The following CELF4 variants were observed in gnomAD, a reference collection of about 807,000 sequenced individuals.
The protein encoded by CELF4 is CUG-BP- and ETR-3-like factor 4.
In CELF4, 18 loss-of-function variants were observed where a neutral mutation model predicts 59.9. The observed-to-expected ratio is 0.30, with a 90% CI of 0.21 to 0.45. The LOEUF is 0.45. Among genes scored for constraint, CELF4 ranks in the 20% least tolerant of loss-of-function variants. The probability of loss-of-function intolerance (pLI) is 1.00; values close to 1 mark genes in which losing one functional copy is unlikely to be tolerated. For synonymous variants in CELF4, 261 were observed against 267.1 expected, an observed-to-expected ratio of 0.98 and a Z score of 0.22; for missense variants, 456 against 689.0, an observed-to-expected ratio of 0.66 and a Z score of 3.79.
intron 1 of CELF4, among the ~76,000 whole-genome samples, chr18:37,495,852 T>A (rs1434296362): frequency 1.3e-5 from 2 of 151,682 alleles, no homozygotes; most frequent in Admixed American, 6.6e-5. Context: ...TGTGTGCTTG[T>A]GTGTGTGTGT....
At chr18:37,554,179 C>T (rs1342039711) in intron 1 of CELF4, among the ~76,000 whole-genome samples, 1 of 152,142 alleles carries the variant, frequency 6.6e-6, no homozygotes, top group African/African-American at 2.4e-5. Context: ...GGGAGCCAGT[C>T]CGGGGGCCTG....
intron 3 of CELF4, among the ~76,000 whole-genome samples, chr18:37,291,129 G>T (rs534180553): frequency 6.6e-6 from 1 of 152,018 alleles, no homozygotes; most frequent in Admixed American, 6.6e-5. Flanking sequence ...GGCTGGTTTC[G>T]AACTCCTGAC....
chr18:37,460,772 C>T (rs570919729), intron 2 of CELF4, among the ~76,000 whole-genome samples: 1 of 152,336 alleles, frequency 6.6e-6, no homozygotes, highest in South Asian at 2.1e-4. Context: ...ACACTGGTTC[C>T]CACAGAAGTC....
intron 2 of CELF4, among the ~76,000 whole-genome samples, chr18:37,427,315 G>A (rs2099620510): frequency 6.6e-6 from 1 of 152,144 alleles, no homozygotes; most frequent in South Asian, 2.1e-4. Flanking sequence ...AGGTGGCTAT[G>A]GTGGTGAACA....
Position 37,441,709 on chromosome 18 carries a change from C to T in CELF4, c.369+43816G>A, listed in dbSNP as rs182447472. On this transcript the variant is annotated intron_variant, in intron 2 of 12. Coordinates refer to ENST00000420428, the MANE Select transcript of CELF4 (RefSeq NM_020180.4). Reference sequence around the variant, plus strand: ...GTGCATATTAAACAGAAGGGGACACCTATCCACCCAGGGTTTCAGGAGTGG... The same window carrying T: ...GTGCATATTAAACAGAAGGGGACACTTATCCACCCAGGGTTTCAGGAGTGG... 1.8e-4 allele frequency among the ~76,000 whole-genome samples: 27 copies of T among 152,184 alleles called. No individual in the cohort carries two copies. The East Asian group carries it at 5.2e-3, about 30-fold the overall frequency.
At chr18:37,314,114 G>C (rs186966876) in intron 3 of CELF4, among the ~76,000 whole-genome samples, 1 of 152,190 alleles carries the variant, frequency 6.6e-6, no homozygotes, top group African/African-American at 2.4e-5. Context: ...GAGAGACAGG[G>C]ACACAGAGAC....
intron 2 of CELF4, among the ~76,000 whole-genome samples, chr18:37,410,123 A>G (rs1339296626): frequency 2.6e-5 from 4 of 152,158 alleles, no homozygotes; most frequent in African/African-American, 7.2e-5. Flanking sequence ...TCGGGAGAGC[A>G]TGACAGGAAA....
chr18:37,546,604 A>G (rs1050243119), intron 1 of CELF4, among the ~76,000 whole-genome samples: 1 of 152,226 alleles, frequency 6.6e-6, no homozygotes, highest in Non-Finnish European at 1.5e-5. Flanking sequence ...GGAGGAATGA[A>G]GACAGCCCTC....
chr18:37,506,802 T>C (rs2099938574), intron 1 of CELF4, among the ~76,000 whole-genome samples: 1 of 152,204 alleles, frequency 6.6e-6, no homozygotes, highest in Non-Finnish European at 1.5e-5. Flanking sequence ...CGCCTTGCAT[T>C]TTATGGCTTT....
At chr18:37,252,290 G>A (rs1223574243) in intron 12 of CELF4, among the ~76,000 whole-genome samples, 1 of 152,112 alleles carries the variant, frequency 6.6e-6, no homozygotes, top group Non-Finnish European at 1.5e-5. Context: ...AATACACCTA[G>A]AAATTAATTC....
rs561464294 is a variant in CELF4 at position 37,243,186 on chromosome 18, C to CTTTTTTTTTTTTTTTTTTTTTTTT, written c.*2055_*2056insAAAAAAAAAAAAAAAAAAAAAAAA. ...TGTTTTCTTTTTTTTTTCTTTTTTT[C>CTTTTTTTTTTTTTTTTTTTTTTTT]TTTTTTTTTTTTTTTTTTTTACATC... On this transcript the variant is annotated 3_prime_UTR_variant, in exon 13 of 13. Transcript: ENST00000420428. 1 of 100,552 alleles carries CTTTTTTTTTTTTTTTTTTTTTTTT rather than the reference C, an allele frequency of 9.9e-6. No individual in the cohort carries two copies. Among genetic ancestry groups the CTTTTTTTTTTTTTTTTTTTTTTTT allele is most frequent in the African/African-American group, 4.1e-5 (1 of 24,126 alleles). 6.2% of individuals were successfully genotyped at this position (100,552 alleles called of 1,614,324 possible).
chr18:37,470,384 T>C (rs1262710240), intron 2 of CELF4, among the ~76,000 whole-genome samples: 1 of 152,202 alleles, frequency 6.6e-6, no homozygotes, highest in East Asian at 1.9e-4. Context: ...GGTTGTCTAC[T>C]CAAAAGTAAT....
intron 3 of CELF4, among the ~76,000 whole-genome samples, chr18:37,288,017 G>T (rs959412216): frequency 1.3e-5 from 2 of 152,166 alleles, no homozygotes; most frequent in Admixed American, 1.3e-4. Flanking sequence ...CACCTGCTGG[G>T]GTGCTGACTC....
At chr18:37,507,933 T>C (rs1188687388) in intron 1 of CELF4, among the ~76,000 whole-genome samples, 1 of 152,108 alleles carries the variant, frequency 6.6e-6, no homozygotes, top group Admixed American at 6.5e-5. Context: ...CAGTTCTACA[T>C]TCCTCCCCCT....
intron 12 of CELF4, among the ~76,000 whole-genome samples, chr18:37,249,988 T>C (rs1013841086): frequency 4.6e-5 from 7 of 152,076 alleles, no homozygotes; most frequent in African/African-American, 1.4e-4. Flanking sequence ...GACAAGATGC[T>C]TGGTGCACTC....
intron 2 of CELF4, among the ~76,000 whole-genome samples, chr18:37,461,316 TTGAC>T (rs1162711559): frequency 2.6e-5 from 4 of 152,222 alleles, no homozygotes; most frequent in African/African-American, 9.6e-5. Context: ...AGAGGTTTAA[TTGAC>T]TGGCAGTTCA....
intron 2 of CELF4, among the ~76,000 whole-genome samples, chr18:37,410,807 AT>A (rs1261451183): frequency 6.6e-6 from 1 of 152,132 alleles, no homozygotes; most frequent in Non-Finnish European, 1.5e-5. Flanking sequence ...TGCCTGTAAA[AT>A]CCCCTGCCAG....
At chr18:37,347,818 C>T (rs921798172) in intron 2 of CELF4, among the ~76,000 whole-genome samples, 14 of 152,134 alleles carry the variant, frequency 9.2e-5, no homozygotes, top group Non-Finnish European at 1.6e-4. Context: ...AGGAAGAGGA[C>T]GGGCTTGGTT....
intron 1 of CELF4, among the ~76,000 whole-genome samples, chr18:37,512,657 C>G (rs2099945852): frequency 6.6e-6 from 1 of 150,900 alleles, no homozygotes; most frequent in South Asian, 2.1e-4. Context: ...CCTTCTCCAT[C>G]TCTTTCTTCT....
Sources: gnomAD v4.1 joint callset for allele counts (sites outside exome capture counted in the v4.1 genomes callset) on GRCh38, gnomAD v4.1.1 for gene constraint, MANE v1.5 for transcripts, NCBI Gene and HGNC (gene_info 2026-07-23, HGNC 2026-07-21) for gene names.